Variants in ALS2CL observed in about 807,000 individuals in gnomAD.
The protein encoded by ALS2CL is ALS2 C-terminal-like protein.
ALS2CL carries 112 observed loss-of-function variants against 127.9 expected under a neutral mutation model. That is an observed-to-expected ratio of 0.88 (90% CI 0.75 to 1.02). The LOEUF is 1.02. Ranked by LOEUF, ALS2CL falls within the 50% of genes least tolerant of loss-of-function variation. The probability of loss-of-function intolerance (pLI) is 0.00; values close to 1 mark genes in which losing one functional copy is unlikely to be tolerated. For missense variants in ALS2CL, 1,174 were observed against 1,236.7 expected, an observed-to-expected ratio of 0.95 and a Z score of 0.76; for synonymous variants, 519 against 527.6, an observed-to-expected ratio of 0.98 and a Z score of 0.22.
chr3:46,671,176 G>A lies in ALS2CL; in HGVS notation c.2782-112C>T, dbSNP rs542725664. 283 of 1,195,012 alleles carry A rather than the reference G, an allele frequency of 2.4e-4. 2 individuals carry two copies. The African/African-American group carries it at 3.6e-3, about 15-fold the overall frequency. The allele number at this position is 1,195,012 out of a possible 1,614,324, so 74.0% of individuals were successfully genotyped here. On this transcript the variant is annotated intron_variant, in intron 25 of 25. Coordinates refer to ENST00000318962, the MANE Select transcript of ALS2CL (RefSeq NM_147129.5). Reference sequence around the variant, plus strand: ...ACCCACCTCCCAACCCAGAGGAGGCGTGTCTCCAACTCAGCCCTCAGCCAC... The same window carrying A: ...ACCCACCTCCCAACCCAGAGGAGGCATGTCTCCAACTCAGCCCTCAGCCAC...
Position 46,676,027 on chromosome 3 carries a change from T to C in ALS2CL, c.2186+218A>G, listed in dbSNP as rs973847066. 1.5e-5 allele frequency: 21 copies of C among 1,405,470 alleles called. 1 individual carries two copies. Among genetic ancestry groups the C allele is most frequent in the African/African-American group, 1.2e-4 (8 of 69,016 alleles). The allele number at this position is 1,405,470 out of a possible 1,614,324, so 87.1% of individuals were successfully genotyped here. A position where few individuals can be genotyped will look rare whatever the true frequency, so the allele number is the denominator to read the frequency against. ...CGGTCAGAGTCAGCCCAGCGCCTGG[T>C]TGGGTCTTGGACTCTAGCTGAGGGC... On this transcript the variant is annotated intron_variant, in intron 19 of 25. Coordinates refer to ENST00000318962, the MANE Select transcript of ALS2CL (RefSeq NM_147129.5).
intron 1 of ALS2CL, among the ~76,000 whole-genome samples, chr3:46,690,409 C>T (rs1273104877): frequency 6.6e-6 from 1 of 152,128 alleles, no homozygotes; most frequent in Admixed American, 6.5e-5. Context: ...GGCAGGTGGG[C>T]TTGAGCCTTG....
At chr3:46,679,788 A>G (rs1366176527) in intron 14 of ALS2CL, 1 of 154,732 alleles carries the variant, frequency 6.5e-6, no homozygotes, top group African/African-American at 2.4e-5. Context: ...CCTTTCGAGA[A>G]TGAAGTAGAG....
At position 46,678,274 on chromosome 3, in the gene ALS2CL, C is replaced by T. The variant is rs1166744070; in HGVS notation, c.1742G>A (p.Ser581Asn). 1.3e-6 allele frequency: 2 copies of T among 1,599,352 alleles called. No individual in the cohort carries two copies. The highest frequency in any genetic ancestry group is 1.7e-6 in the Non-Finnish European group (2 of 1,169,394). The change falls in exon 16 of 26, where the codon AGC becomes AAC. Residue 581 changes from serine (S) to asparagine (N), a missense_variant. Coordinates refer to ENST00000318962, the MANE Select transcript of ALS2CL (RefSeq NM_147129.5). ...LDTAALPPDP[S>N]STCKRQLGVG... is the part of the protein sequence containing the mutation. ...AGGCACTCACCTCTTGCAGGTACTG[C>T]TCGGGTCTGGTGGGAGGGCAGCCGT... is the stretch of plus-strand genomic sequence containing the variant.
intron 1 of ALS2CL, among the ~76,000 whole-genome samples, chr3:46,692,969 G>A (rs554135397): frequency 2.0e-5 from 3 of 152,286 alleles, no homozygotes; most frequent in South Asian, 4.1e-4. Flanking sequence ...TGCTGTGGAG[G>A]CTTTTTCATG....
intron 1 of ALS2CL, among the ~76,000 whole-genome samples, chr3:46,691,195 C>T (rs1431390019): frequency 1.3e-5 from 2 of 152,202 alleles, no homozygotes; most frequent in Non-Finnish European, 2.9e-5. Flanking sequence ...TAACTCTCAC[C>T]CGTATCTCCC....
chr3:46,672,066 C>T, intron 23 of ALS2CL, 33 bp from the exon 24 acceptor site: 1 of 1,614,060 alleles, frequency 6.2e-7, no homozygotes, highest in African/African-American at 1.3e-5. Context: ...AGGTCAAGGC[C>T]CTTGGTTCAG....
chr3:46,679,231 C>A lies in ALS2CL; in HGVS notation c.1605G>T (p.Arg535Ser). The A allele has an allele frequency of 6.3e-7, 1 of 1,576,728 alleles. No homozygotes were observed. Among genetic ancestry groups the A allele is most frequent in the East Asian group, 2.3e-5 (1 of 43,090 alleles). ...DDSLYEGTFT[R>S]DLTLMGKGKV... ...TCACCTTCCCCATGAGGGTCAGGTC[C>A]CTGGTGAAGGTGCCCTCATACAGGG... Residue 535 changes from arginine to serine, a missense_variant, in exon 15 of 26, where the codon AGG becomes AGT. Physicochemically the swap from Arg to Ser is moderately radical, Grantham distance 110. Coordinates refer to ENST00000318962, the MANE Select transcript of ALS2CL (RefSeq NM_147129.5).
At chr3:46,679,781 T>G (rs1699171062) in intron 14 of ALS2CL, 1 of 154,816 alleles carries the variant, frequency 6.5e-6, no homozygotes, top group African/African-American at 2.4e-5. Context: ...CTTCAATCCT[T>G]TCGAGAATGA....
rs1300664143 is a variant in ALS2CL, at chr3:46,676,676, C to T, written c.1994G>A (p.Arg665Gln). The T allele has an allele frequency of 3.1e-6, 5 of 1,613,592 alleles. No individual in the cohort carries two copies. The South Asian group carries it at 3.3e-5, about 11-fold the overall frequency. Residue 665 changes from arginine (R) to glutamine (Q), a missense_variant, in exon 18 of 26, where the codon CGG (arginine) becomes CAG (glutamine). Physicochemically the swap from Arg to Gln is conservative, Grantham distance 43. Transcript: ENST00000318962. ...GTACAGCTGCAGGGCCTTGGGCTCCCGGTGCTGCAGCAGCTCCTCCAGGAT... is the reference window on the plus strand; with the variant it reads ...GTACAGCTGCAGGGCCTTGGGCTCCTGGTGCTGCAGCAGCTCCTCCAGGAT... ...EDILEELLQH[R>Q]EPKALQLYLR...
At position 46,674,692 on chromosome 3, in the gene ALS2CL, A is replaced by G. The variant is rs1698669442; in HGVS notation, c.2303T>C (p.Phe768Ser). The change falls in exon 21 of 26, where the codon TTC becomes TCC. Residue 768 changes from phenylalanine to serine, a missense_variant. Physicochemically the swap from Phe to Ser is radical, Grantham distance 155 (BLOSUM62 -2). Coordinates refer to ENST00000318962, the MANE Select transcript of ALS2CL (RefSeq NM_147129.5). Reference protein sequence around the residue: ...GLVLPLMLPSFYSELFTLYLL... With the variant: ...GLVLPLMLPSSYSELFTLYLL... ...GTAGAGCGTGAAGAGCTCTGAGTAG[A>G]AGCTGGGCAGCATGAGGGGCAGCAC... is the stretch of plus-strand genomic sequence containing the variant. The G allele has an allele frequency of 1.2e-6, 2 of 1,613,904 alleles. No homozygotes were observed. The highest frequency in any genetic ancestry group is 1.7e-6 in the Non-Finnish European group (2 of 1,179,998).
rs568316121 is a variant in ALS2CL, at chr3:46,673,327, C to T, written c.2472+12G>A. 2 of 1,559,700 alleles carry T rather than the reference C, an allele frequency of 1.3e-6. No individual in the cohort carries two copies. Among genetic ancestry groups the T allele is most frequent in the Non-Finnish European group, 1.7e-6 (2 of 1,151,778 alleles). ...GGGGGCCCCTGGCTTGGGGCTCTGG[C>T]CTCCCTCTCACCTGATTGCTCGTCA... On this transcript the variant is annotated intron_variant, in intron 22 of 25. Coordinates refer to ENST00000318962, the MANE Select transcript of ALS2CL (RefSeq NM_147129.5).
chr3:46,673,221 ACCCTGC>A, intron 22 of ALS2CL, 112 bp downstream of exon 22: 1 of 471,122 alleles, frequency 2.1e-6, no homozygotes, highest in Non-Finnish European at 3.7e-6. Context: ...CTCCCAACCC[ACCCTGC>A]CCCTCCCCAG....
chr3:46,690,838 G>A (rs752904232), intron 1 of ALS2CL, among the ~76,000 whole-genome samples: 2 of 152,154 alleles, frequency 1.3e-5, no homozygotes, highest in South Asian at 2.1e-4. Context: ...ACCCTGCCCC[G>A]AGAGTGCCAT....
intron 21 of ALS2CL, 115 bp from the exon 22 acceptor site, chr3:46,673,496 G>C: frequency 2.7e-6 from 3 of 1,108,142 alleles, no homozygotes; most frequent in Non-Finnish European, 3.9e-6. Flanking sequence ...TCCTGAAAAG[G>C]GGAAGGAGAT....
intron 1 of ALS2CL, 74 bp from the exon 2 acceptor site, chr3:46,689,539 G>T: frequency 9.7e-7 from 1 of 1,028,388 alleles, no homozygotes; most frequent in Non-Finnish European, 1.4e-6. Flanking sequence ...CAGGCAGGGT[G>T]CCCAGAAGCA....
In ALS2CL at chr3:46,685,577, G is replaced by T. The variant is rs753736240; in HGVS notation, c.734C>A (p.Pro245Gln). ...DSQDVPVTVA[P>Q]LRAERVLLFD... ...GAGCAGCACACGCTCAGCCCGCAACGGTGCGACCGTCACGGGTACGTCCTG... is the reference window on the plus strand; with the variant it reads ...GAGCAGCACACGCTCAGCCCGCAACTGTGCGACCGTCACGGGTACGTCCTG... Residue 245 changes from proline (P) to glutamine (Q), a missense_variant, in exon 7 of 26, where the codon CCG becomes CAG. Coordinates refer to ENST00000318962, the MANE Select transcript of ALS2CL (RefSeq NM_147129.5). 2.5e-6 allele frequency: 4 copies of T among 1,614,000 alleles called. No individual in the cohort carries two copies. In the African/African-American group the frequency reaches 4.0e-5, roughly 16 times the overall value.
At chr3:46,675,367 T>G in intron 20 of ALS2CL, 28 of 479,624 alleles carry the variant, frequency 5.8e-5, no homozygotes, top group Middle Eastern at 5.7e-4. Context: ...ATGCGAAAGA[T>G]GAGATTGGGA....
chr3:46,687,965 C>T, intron 3 of ALS2CL, 133 bp downstream of exon 3: 1 of 1,160,070 alleles, frequency 8.6e-7, no homozygotes, highest in South Asian at 1.5e-5. Context: ...CCCAGGTGAG[C>T]ACCAACCATG....
Sources: allele counts gnomAD v4.1 joint callset (sites outside exome capture counted in the v4.1 genomes callset), GRCh38; gene constraint gnomAD v4.1.1; transcripts MANE v1.5; gene names NCBI Gene and HGNC (gene_info 2026-07-23, HGNC 2026-07-21).